Variants in RAB2A observed in about 807,000 individuals in gnomAD.
RAB2A encodes RAB2A, member RAS oncogene family, also known as ras-related protein Rab-2A.
Under a neutral mutation model 32.5 loss-of-function variants are expected in RAB2A, and 7 were observed. The ratio of observed to expected loss-of-function variants is 0.22; its 90% CI spans 0.12 to 0.40. The LOEUF is 0.40. Ranked by LOEUF, RAB2A falls within the 10% of genes least tolerant of loss-of-function variation. The pLI, the probability that RAB2A is intolerant of heterozygous loss-of-function variation, is 1.00. For missense variants in RAB2A, 108 were observed against 260.7 expected (o/e 0.41, Z 4.03); for synonymous variants, 79 against 85.2 (o/e 0.93, Z 0.40).
chr8:60,567,137 G>A (rs1040108612), intron 2 of RAB2A, among the ~76,000 whole-genome samples: 2 of 141,742 alleles, frequency 1.4e-5, no homozygotes, highest in African/African-American at 5.4e-5. Context: ...TTTTTTTTGA[G>A]ACAGAGTCTC....
At chr8:60,567,523 T>A (rs1354433968) in intron 2 of RAB2A, among the ~76,000 whole-genome samples, 1 of 152,190 alleles carries the variant, frequency 6.6e-6, no homozygotes, top group African/African-American at 2.4e-5. Flanking sequence ...CTTTGCCAAG[T>A]TGCAAGATTT....
intron 1 of RAB2A, among the ~76,000 whole-genome samples, chr8:60,531,702 TAGTCCA>T: frequency 6.6e-6 from 1 of 152,052 alleles, no homozygotes; most frequent in East Asian, 1.9e-4. Context: ...GATGTCTTCA[TAGTCCA>T]CTTGAGATTG....
chr8:60,620,677 A>G lies in RAB2A; in HGVS notation c.547A>G (p.Asn183Asp). Residue 183 changes from asparagine to aspartate, a missense_variant, in exon 8 of 8, where the codon AAT (asparagine) becomes GAT (aspartate). Physicochemically the swap from Asn to Asp is conservative, Grantham distance 23. Around this residue, in one of 4 missense-constraint regions of RAB2A, gnomAD observed 79 missense variants for 199.8 expected, o/e 0.40. Transcript: ENST00000262646. Reference protein sequence around the residue: ...EGVFDINNEANGIKIGPQHAA... With the variant: ...EGVFDINNEADGIKIGPQHAA... The stretch of plus-strand genomic sequence containing the variant: ...GTTCTGTTCTCTTTTATTTCAGGCA[A>G]ATGGCATTAAAATTGGCCCTCAGCA... 1 of 1,610,652 alleles carries G rather than the reference A, an allele frequency of 6.2e-7. No individual in the cohort carries two copies. Among genetic ancestry groups the G allele is most frequent in the Non-Finnish European group, 8.5e-7 (1 of 1,177,572 alleles).
At chr8:60,620,616 G>A in intron 7 of RAB2A, 58 bp from the exon 8 acceptor site, 1 of 1,247,198 alleles carries the variant, frequency 8.0e-7, no homozygotes, top group Admixed American at 1.8e-5. Flanking sequence ...AGTTTTTTAA[G>A]AATTAGTTAA....
At chr8:60,615,434 CATTATATAT>C (rs1378865581) in intron 6 of RAB2A, among the ~76,000 whole-genome samples, 9 of 152,140 alleles carry the variant, frequency 5.9e-5, no homozygotes, top group Non-Finnish European at 1.2e-4. Context: ...TATTTTTGTA[CATTATATAT>C]ATATGGAATG....
At chr8:60,612,344 G>A (rs965209245) in intron 6 of RAB2A, among the ~76,000 whole-genome samples, 2 of 152,122 alleles carry the variant, frequency 1.3e-5, no homozygotes, top group African/African-American at 4.8e-5. Context: ...ATGTGTTTAG[G>A]CTCCCTACTT....
At chr8:60,611,378 C>G (rs1459514617) in intron 6 of RAB2A, among the ~76,000 whole-genome samples, 1 of 152,182 alleles carries the variant, frequency 6.6e-6, no homozygotes, top group Non-Finnish European at 1.5e-5. Flanking sequence ...CCCTTCTTCC[C>G]CTCAGTTTTC....
At chr8:60,593,154 C>T (rs1427899529) in intron 6 of RAB2A, among the ~76,000 whole-genome samples, 2 of 152,178 alleles carry the variant, frequency 1.3e-5, no homozygotes, top group African/African-American at 2.4e-5. Flanking sequence ...ATTATACAGT[C>T]ATGTGTTGCT....
chr8:60,593,285 T>C (rs1429842429), intron 6 of RAB2A, among the ~76,000 whole-genome samples: 2 of 152,182 alleles, frequency 1.3e-5, no homozygotes, highest in Non-Finnish European at 2.9e-5. Flanking sequence ...TACTACACAC[T>C]TCCCTTAGTA....
At chr8:60,562,463 G>T (rs2130833114) in intron 2 of RAB2A, among the ~76,000 whole-genome samples, 1 of 152,260 alleles carries the variant, frequency 6.6e-6, no homozygotes, top group Non-Finnish European at 1.5e-5. Flanking sequence ...TGGGGTCATA[G>T]TCCAGCCATG....
At chr8:60,535,889 T>G (rs1483437661) in intron 1 of RAB2A, among the ~76,000 whole-genome samples, 1 of 152,206 alleles carries the variant, frequency 6.6e-6, no homozygotes, top group Non-Finnish European at 1.5e-5. Context: ...TAGGAGTATC[T>G]GATTGGCTCA....
At chr8:60,541,790 G>A (rs7000882) in intron 1 of RAB2A, among the ~76,000 whole-genome samples, 12,461 of 152,082 alleles carry the variant, frequency 0.082, 1,555 homozygotes, top group African/African-American at 0.27. Flanking sequence ...CTTCAGTGAG[G>A]CCTACTTCAT....
intron 6 of RAB2A, among the ~76,000 whole-genome samples, chr8:60,594,270 T>C (rs2130855587): frequency 6.6e-6 from 1 of 152,226 alleles, no homozygotes; most frequent in East Asian, 1.9e-4. Flanking sequence ...ACCTACAGAT[T>C]GAAGACAGCC....
rs529257554 is a variant in RAB2A at position 60,571,118 on chromosome 8, TTGAA to T, written c.119-924_119-921del. Among the ~76,000 whole-genome samples, 746 of 152,308 alleles carry T rather than the reference TTGAA, an allele frequency of 4.9e-3. 7 individuals carry two copies. Among genetic ancestry groups the T allele is most frequent in the African/African-American group, 0.017 (693 of 41,564 alleles). ...TATTTTTCTACTCCTATTTTGATGATTGAATGAGTGCTTTCCAAAGATGATAAAT... is the reference window on the plus strand; with the variant it reads ...TATTTTTCTACTCCTATTTTGATGATTGAGTGCTTTCCAAAGATGATAAAT... On this transcript the variant is annotated intron_variant, in intron 2 of 7. Transcript: ENST00000262646.
intron 1 of RAB2A, among the ~76,000 whole-genome samples, chr8:60,531,655 T>C (rs1807477618): frequency 1.3e-5 from 2 of 152,142 alleles, no homozygotes; most frequent in African/African-American, 4.8e-5. Flanking sequence ...TCTATTGTCC[T>C]CCATGACTCA....
intron 1 of RAB2A, among the ~76,000 whole-genome samples, chr8:60,543,453 GCT>G (rs1807678312): frequency 1.5e-5 from 2 of 134,346 alleles, no homozygotes; most frequent in African/African-American, 7.7e-5. Context: ...CATTCACTTT[GCT>G]TTCTCCCCTG....
At chr8:60,540,393 G>A (rs1586069527) in intron 1 of RAB2A, among the ~76,000 whole-genome samples, 1 of 152,174 alleles carries the variant, frequency 6.6e-6, no homozygotes, top group East Asian at 1.9e-4. Context: ...ATCATAGGGA[G>A]TGAAAAGTGT....
intron 1 of RAB2A, among the ~76,000 whole-genome samples, chr8:60,549,471 C>G (rs1335635573): frequency 6.8e-6 from 1 of 147,640 alleles, no homozygotes; most frequent in African/African-American, 2.5e-5. Flanking sequence ...AACCCCGTCT[C>G]CACCAACCTT....
intron 1 of RAB2A, among the ~76,000 whole-genome samples, chr8:60,517,629 A>G (rs1004566550): frequency 1.3e-5 from 2 of 152,066 alleles, no homozygotes; most frequent in African/African-American, 2.4e-5. Context: ...CAGGAAAAAG[A>G]AGGAGGGAAA....
Sources: gnomAD v4.1 joint callset for allele counts (sites outside exome capture counted in the v4.1 genomes callset) on GRCh38, gnomAD v4.1.1 for gene constraint, gnomAD v4.1.1 regional missense constraint, MANE v1.5 for transcripts, NCBI Gene and HGNC (gene_info 2026-07-23, HGNC 2026-07-21) for gene names.